AUTS2: variants seen among roughly 807,000 people sequenced by gnomAD.
The protein encoded by AUTS2 is autism susceptibility gene 2 protein.
A neutral mutation model predicts 112.4 loss-of-function variants in AUTS2; 17 were observed. The observed-to-expected ratio is 0.15, with a 90% CI of 0.10 to 0.23. The LOEUF is 0.23. Among genes scored for constraint, AUTS2 ranks in the 10% least tolerant of loss-of-function variants. The pLI is 1.00. For missense variants in AUTS2, 1,510 were observed against 1,701.6 expected, an observed-to-expected ratio of 0.89 and a Z score of 1.98; for synonymous variants, 751 against 702.7, an observed-to-expected ratio of 1.07 and a Z score of -1.09.
intron 5 of AUTS2, among the ~76,000 whole-genome samples, chr7:70,535,560 A>G (rs1031873170): frequency 1.3e-5 from 2 of 151,956 alleles, no homozygotes; most frequent in Non-Finnish European, 1.5e-5. Context: ...AATTACAGGC[A>G]CCCGCCACCC....
chr7:70,066,515 A>G (rs1802499799), intron 2 of AUTS2, among the ~76,000 whole-genome samples: 1 of 150,974 alleles, frequency 6.6e-6, no homozygotes, highest in Non-Finnish European at 1.5e-5. Flanking sequence ...TTAAAATCTA[A>G]CTTTACAGAT....
chr7:69,758,678 T>A (rs1023178929), intron 1 of AUTS2, among the ~76,000 whole-genome samples: 9 of 152,218 alleles, frequency 5.9e-5, no homozygotes, highest in Non-Finnish European at 1.3e-4. Flanking sequence ...CCCCAGTGAA[T>A]TTTCCAACCT....
intron 2 of AUTS2, among the ~76,000 whole-genome samples, chr7:70,046,994 G>A (rs977914230): frequency 2.0e-5 from 3 of 152,090 alleles, no homozygotes; most frequent in Non-Finnish European, 2.9e-5. Flanking sequence ...TTATTGTGCC[G>A]AATAAAATTT....
intron 5 of AUTS2, 120 bp downstream of exon 5, chr7:70,435,901 G>A (rs1795875028): frequency 2.9e-6 from 3 of 1,018,704 alleles, no homozygotes; most frequent in Admixed American, 3.9e-5. Context: ...TTTCTCTTTA[G>A]GAAAGATGGG....
At chr7:70,604,940 A>G (rs1403862262) in intron 5 of AUTS2, among the ~76,000 whole-genome samples, 2 of 152,236 alleles carry the variant, frequency 1.3e-5, no homozygotes, top group Non-Finnish European at 2.9e-5. Context: ...CTTACAGGCT[A>G]AAATAAAAAT....
intron 1 of AUTS2, among the ~76,000 whole-genome samples, chr7:69,672,564 T>A (rs577194075): frequency 3.3e-5 from 5 of 152,150 alleles, no homozygotes; most frequent in Non-Finnish European, 7.3e-5. Flanking sequence ...CCTAGATAGC[T>A]CAAAGGACTG....
intron 2 of AUTS2, among the ~76,000 whole-genome samples, chr7:70,091,630 TGTTAC>T (rs1175254686): frequency 6.6e-6 from 1 of 152,204 alleles, no homozygotes; most frequent in African/African-American, 2.4e-5. Flanking sequence ...ACCACTCTGC[TGTTAC>T]AGTCACTGTT....
intron 5 of AUTS2, among the ~76,000 whole-genome samples, chr7:70,660,610 C>T (rs1435365968): frequency 1.3e-5 from 2 of 152,228 alleles, no homozygotes; most frequent in Non-Finnish European, 2.9e-5. Context: ...GTTCCTTCCA[C>T]CAGTGTCAAC....
At chr7:69,883,691 A>G (rs529502165) in intron 1 of AUTS2, among the ~76,000 whole-genome samples, 14 of 152,062 alleles carry the variant, frequency 9.2e-5, no homozygotes, top group Non-Finnish European at 1.3e-4. Flanking sequence ...CACAGGCTCA[A>G]TTTTTGCTCC....
intron 1 of AUTS2, among the ~76,000 whole-genome samples, chr7:69,724,049 A>G (rs894943272): frequency 1.1e-4 from 17 of 152,258 alleles, no homozygotes; most frequent in African/African-American, 3.1e-4. Flanking sequence ...GGGGGTCTCC[A>G]TGGTATTTCT....
At chr7:69,977,374 T>G (rs767064618) in intron 2 of AUTS2, among the ~76,000 whole-genome samples, 17 of 152,230 alleles carry the variant, frequency 1.1e-4, no homozygotes, top group Non-Finnish European at 2.2e-4. Context: ...TCAGAAAGTT[T>G]AAGTCCTTTA....
At chr7:69,971,149 G>C (rs1797832879) in intron 2 of AUTS2, among the ~76,000 whole-genome samples, 1 of 152,092 alleles carries the variant, frequency 6.6e-6, no homozygotes, top group African/African-American at 2.4e-5. Context: ...CTGCACTTTA[G>C]CTTGGGCGAC....
At chr7:69,904,488 G>C (rs1795081284) in intron 2 of AUTS2, among the ~76,000 whole-genome samples, 1 of 152,200 alleles carries the variant, frequency 6.6e-6, no homozygotes, top group Admixed American at 6.5e-5. Context: ...CTGGAAATCA[G>C]AGCATTTGAG....
chr7:70,209,364 G>C (rs1810738129), intron 4 of AUTS2, among the ~76,000 whole-genome samples: 1 of 152,172 alleles, frequency 6.6e-6, no homozygotes, highest in South Asian at 2.1e-4. Flanking sequence ...GTTTTGACAT[G>C]TTATGAAAGA....
At chr7:69,779,598 C>T (rs1789056278) in intron 1 of AUTS2, among the ~76,000 whole-genome samples, 1 of 151,662 alleles carries the variant, frequency 6.6e-6, no homozygotes, top group Admixed American at 6.6e-5. Context: ...CTTGTCTCAA[C>T]TAAAAATACA....
Position 70,026,212 on chromosome 7 carries a change from C to T in AUTS2, c.523-91920C>T, listed in dbSNP as rs115696318. Among the ~76,000 whole-genome samples the T allele has an allele frequency of 4.5e-3, 687 of 152,330 alleles. 8 individuals carry two copies. The highest frequency in any genetic ancestry group is 0.016 in the African/African-American group (663 of 41,576). On this transcript the variant is annotated intron_variant, in intron 2 of 18. Coordinates refer to ENST00000342771, the MANE Select transcript of AUTS2 (RefSeq NM_015570.4). ...GAAGGGAAAACGCTCCTTAGTTTCA[C>T]TGAGGATCTGGCCTCATGAGCAGAC...
chr7:70,696,611 G>T (rs1429887099), intron 5 of AUTS2, among the ~76,000 whole-genome samples: 3 of 152,094 alleles, frequency 2.0e-5, no homozygotes, highest in Non-Finnish European at 4.4e-5. Context: ...ATCCCATGTG[G>T]AGCTGACAAA....
At chr7:69,979,066 T>C (rs1051780565) in intron 2 of AUTS2, among the ~76,000 whole-genome samples, 7 of 152,222 alleles carry the variant, frequency 4.6e-5, no homozygotes, top group Admixed American at 4.6e-4. Flanking sequence ...TACATAATCA[T>C]GATGACTGCA....
At chr7:70,419,464 G>A (rs995692818) in intron 4 of AUTS2, among the ~76,000 whole-genome samples, 2 of 152,054 alleles carry the variant, frequency 1.3e-5, no homozygotes, top group Non-Finnish European at 2.9e-5. Flanking sequence ...TTGCTGTAAG[G>A]TTAAAAACGT....
Sources: allele counts gnomAD v4.1 joint callset (sites outside exome capture counted in the v4.1 genomes callset), GRCh38; gene constraint gnomAD v4.1.1; transcripts MANE v1.5; gene names NCBI Gene and HGNC (gene_info 2026-07-23, HGNC 2026-07-21).